The following STOX2 variants were observed in gnomAD, a reference collection of about 807,000 sequenced individuals.
The protein encoded by STOX2 is storkhead-box protein 2.
In STOX2, 28 loss-of-function variants were observed where a neutral mutation model predicts 60.9. That is an observed-to-expected ratio of 0.46 (90% CI 0.34 to 0.63). The LOEUF (loss-of-function observed/expected upper bound fraction) is 0.63. STOX2 is among the 30% of genes least tolerant of loss of function. STOX2 has a pLI of 0.01. For synonymous variants in STOX2, 472 were observed against 463.9 expected, an observed-to-expected ratio of 1.02 and a Z score of -0.22; for missense variants, 1,024 against 1,187.7, an observed-to-expected ratio of 0.86 and a Z score of 2.03.
intron 1 of STOX2, among the ~76,000 whole-genome samples, chr4:183,841,404 G>A (rs1739859079): frequency 6.6e-6 from 1 of 151,136 alleles, no homozygotes. Flanking sequence ...AGAGAGACAG[G>A]AACTTGCACT....
intron 1 of STOX2, among the ~76,000 whole-genome samples, chr4:183,801,768 G>A (rs1291540413): frequency 1.3e-5 from 2 of 152,146 alleles, no homozygotes; most frequent in Middle Eastern, 3.2e-3. Context: ...TGGAAAGGTG[G>A]GAGAGGGCCA....
chr4:183,809,838 A>T (rs533550091), intron 1 of STOX2, among the ~76,000 whole-genome samples: 1 of 152,324 alleles, frequency 6.6e-6, no homozygotes, highest in East Asian at 1.9e-4. Flanking sequence ...TTCCTTTAGT[A>T]CACTTATTTT....
chr4:183,960,580 C>A (rs1743384030), intron 1 of STOX2, among the ~76,000 whole-genome samples: 1 of 152,174 alleles, frequency 6.6e-6, no homozygotes, highest in Non-Finnish European at 1.5e-5. Flanking sequence ...GTGACAATAT[C>A]TATTGGTGGA....
chr4:183,931,220 TC>T (rs991130727), intron 1 of STOX2, among the ~76,000 whole-genome samples: 5 of 152,126 alleles, frequency 3.3e-5, no homozygotes, highest in Non-Finnish European at 5.9e-5. Flanking sequence ...GGTCAGGAGT[TC>T]AAGACCAGGA....
intron 1 of STOX2, among the ~76,000 whole-genome samples, chr4:183,799,265 C>A (rs1461678850): frequency 6.6e-6 from 1 of 152,168 alleles, no homozygotes; most frequent in Non-Finnish European, 1.5e-5. Context: ...TTGTAACCTG[C>A]GCTGAATTTC....
intron 1 of STOX2, among the ~76,000 whole-genome samples, chr4:183,975,052 T>TC (rs1732397649): frequency 2.6e-5 from 4 of 152,060 alleles, no homozygotes; most frequent in Admixed American, 2.6e-4. Flanking sequence ...AATTGATAAA[T>TC]CTCTAAATAC....
intron 1 of STOX2, among the ~76,000 whole-genome samples, chr4:183,819,728 C>T (rs182478347): frequency 1.3e-5 from 2 of 152,160 alleles, no homozygotes; most frequent in Admixed American, 6.5e-5. Flanking sequence ...ATTTTATGTT[C>T]GTCAAAAGGA....
intron 1 of STOX2, among the ~76,000 whole-genome samples, chr4:183,828,834 G>A (rs75766856): frequency 0.032 from 4,913 of 152,244 alleles, 114 homozygotes; most frequent in Middle Eastern, 0.099. Flanking sequence ...GAGCCTGATG[G>A]AGTTTTTTTC....
intron 1 of STOX2, among the ~76,000 whole-genome samples, chr4:183,860,961 A>T (rs1429063988): frequency 1.3e-5 from 2 of 152,126 alleles, no homozygotes; most frequent in Non-Finnish European, 2.9e-5. Flanking sequence ...TTGCAAAGGG[A>T]TTACGCTTTG....
intron 1 of STOX2, 81 bp downstream of exon 1, chr4:183,907,037 A>G: frequency 2.4e-6 from 3 of 1,259,874 alleles, no homozygotes; most frequent in Non-Finnish European, 3.3e-6. Context: ...TGCTTGGAGG[A>G]GAGGACGGGC....
rs1232868891 is a variant in STOX2, at chr4:184,020,012, G to A, written c.*2728G>A. ...GAATCTGGTTGAATCTCTGTGAAAG[G>A]GTCAACACATCTGTCGGCATTTTGC... On this transcript the variant is annotated 3_prime_UTR_variant, in exon 4 of 4. Transcript: ENST00000308497. 1 of 152,072 alleles carries A rather than the reference G, an allele frequency of 6.6e-6. No individual in the cohort carries two copies. Among genetic ancestry groups the A allele is most frequent in the Non-Finnish European group, 1.5e-5 (1 of 68,026 alleles). 9.4% of individuals were successfully genotyped at this position (152,072 alleles called of 1,614,324 possible). A position where few individuals can be genotyped will look rare whatever the true frequency, so the allele number is the denominator to read the frequency against.
chr4:183,860,349 T>A (rs1740401475), intron 1 of STOX2, among the ~76,000 whole-genome samples: 1 of 148,238 alleles, frequency 6.7e-6, no homozygotes, highest in South Asian at 2.1e-4. Context: ...AAAACCCCAA[T>A]CCAGGACTTC....
intron 1 of STOX2, among the ~76,000 whole-genome samples, chr4:183,968,805 T>TGGATAGAAA (rs2111172146): frequency 6.8e-6 from 1 of 146,258 alleles, no homozygotes; most frequent in East Asian, 2.0e-4. Flanking sequence ...GAGGGGAGGG[T>TGGATAGAAA]GGATAGAAAG....
intron 1 of STOX2, among the ~76,000 whole-genome samples, chr4:183,927,963 T>A (rs1742293865): frequency 6.6e-6 from 1 of 152,050 alleles, no homozygotes; most frequent in Non-Finnish European, 1.5e-5. Context: ...CTTGCTGTGG[T>A]CGGATGGTCT....
intron 1 of STOX2, among the ~76,000 whole-genome samples, chr4:183,970,182 G>GTGTGTGT (rs1560911416): frequency 1.6e-4 from 21 of 134,138 alleles, no homozygotes; most frequent in Admixed American, 2.3e-4. Flanking sequence ...GTGTGTGTGT[G>GTGTGTGT]GGGTTCCAGC....
At chr4:183,857,112 C>T (rs548422257) in intron 1 of STOX2, among the ~76,000 whole-genome samples, 2 of 152,216 alleles carry the variant, frequency 1.3e-5, no homozygotes, top group South Asian at 2.1e-4. Flanking sequence ...CTGGTTGTCC[C>T]ACAGGACTGG....
At chr4:183,955,378 A>T (rs558065761) in intron 1 of STOX2, among the ~76,000 whole-genome samples, 1 of 152,318 alleles carries the variant, frequency 6.6e-6, no homozygotes, top group East Asian at 1.9e-4. Flanking sequence ...CATAGATTTT[A>T]AAAAATAGCC....
rs1322596185 is a variant in STOX2, at chr4:184,018,698, G to A, written c.*1414G>A. ...ATTTTGCTTTGGTTTACAATGTCATGTTGAACACAAAGAAGACCCAGCAGC... is the reference window on the plus strand; with the variant it reads ...ATTTTGCTTTGGTTTACAATGTCATATTGAACACAAAGAAGACCCAGCAGC... On this transcript the variant is annotated 3_prime_UTR_variant, in exon 4 of 4. Coordinates refer to ENST00000308497, the MANE Select transcript of STOX2 (RefSeq NM_020225.3). The A allele has an allele frequency of 6.6e-6, 1 of 152,208 alleles. No homozygotes were observed. The highest frequency in any genetic ancestry group is 1.5e-5 in the Non-Finnish European group (1 of 68,046). 9.4% of individuals were successfully genotyped at this position (152,208 alleles called of 1,614,324 possible).
At chr4:183,997,983 A>G (rs935457489) in intron 1 of STOX2, among the ~76,000 whole-genome samples, 3 of 152,230 alleles carry the variant, frequency 2.0e-5, no homozygotes, top group African/African-American at 4.8e-5. Context: ...AGCTAAACCC[A>G]TAAGGACAAG....
Sources: allele counts gnomAD v4.1 joint callset (sites outside exome capture counted in the v4.1 genomes callset), GRCh38; gene constraint gnomAD v4.1.1; transcripts MANE v1.5; gene names NCBI Gene and HGNC (gene_info 2026-07-23, HGNC 2026-07-21).